MTM1: variants seen among roughly 807,000 people sequenced by gnomAD.
MTM1 encodes the protein myotubularin.
In MTM1, 9 loss-of-function variants were observed where a neutral mutation model predicts 52.1. The observed-to-expected ratio is 0.17, with a 90% CI of 0.10 to 0.30. The LOEUF (loss-of-function observed/expected upper bound fraction) is 0.30. Among genes scored for constraint, MTM1 ranks in the 10% least tolerant of loss-of-function variants. The pLI is 1.00. For synonymous variants in MTM1, 136 were observed against 163.8 expected (o/e 0.83, Z 1.29); for missense variants, 277 against 470.7 (o/e 0.59, Z 3.81).
intron 4 of MTM1, among the ~76,000 whole-genome samples, chrX:150,605,343 G>C (rs1453816238): frequency 8.9e-6 from 1 of 112,438 alleles, no homozygotes; most frequent in African/African-American, 3.2e-5. Context: ...TTTGGCTCTA[G>C]GTTCAGGACT....
intron 8 of MTM1, among the ~76,000 whole-genome samples, chrX:150,644,926 G>T: frequency 9.0e-6 from 1 of 111,716 alleles, no homozygotes; most frequent in Admixed American, 9.5e-5. Flanking sequence ...GCTTTATTGA[G>T]ATCTACTTCA....
chrX:150,578,070 T>A (rs1450821289), intron 1 of MTM1, among the ~76,000 whole-genome samples: 2 of 111,667 alleles, frequency 1.8e-5, no homozygotes, highest in Admixed American at 1.9e-4. Context: ...TCACAACCAG[T>A]AGATTTTGAA....
At chrX:150,566,703 C>T (rs1569565257), upstream of MTM1, among the ~76,000 whole-genome samples, 1 of 110,945 alleles carries the variant, frequency 9.0e-6, no homozygotes, top group African/African-American at 3.3e-5. Flanking sequence ...CACCTCCTAA[C>T]CCCCAGCTCC....
At chrX:150,611,609 A>G (rs2039279550) in intron 4 of MTM1, among the ~76,000 whole-genome samples, 1 of 112,051 alleles carries the variant, frequency 8.9e-6, no homozygotes, top group Non-Finnish European at 1.9e-5. Flanking sequence ...CAGGAAGTGG[A>G]TTGGCACAAC....
chrX:150,627,118 A>G (rs1162776709), intron 6 of MTM1, among the ~76,000 whole-genome samples: 1 of 110,948 alleles, frequency 9.0e-6, no homozygotes, highest in Non-Finnish European at 1.9e-5. Flanking sequence ...GCATCCATTC[A>G]CTCCATAACT....
intron 6 of MTM1, among the ~76,000 whole-genome samples, chrX:150,621,272 T>C (rs782229372): frequency 3.2e-4 from 35 of 109,517 alleles, no homozygotes; most frequent in South Asian, 7.9e-4. Context: ...GCTTTTCAGT[T>C]CCCCCCCTGC....
At position 150,660,370 on chromosome X, in the gene MTM1, G is replaced by T; in HGVS notation, c.1354-1G>T. 8.8e-7 allele frequency: 1 copy of T among 1,135,167 alleles called. No homozygotes were observed. The allele number at this position is 1,135,167 out of a possible 1,213,427, so 93.6% of individuals were successfully genotyped here. A position where few individuals can be genotyped will look rare whatever the true frequency, so the allele number is the denominator to read the frequency against. On this transcript the variant is annotated splice_acceptor_variant, in intron 12 of 14. Transcript: ENST00000370396. LOFTEE classifies it high-confidence loss of function. Reference sequence around the variant, plus strand: ...TGCTTTGTTTGCTTGTTTTTGTTTAGTTCCCTACAGCTTTTGAATTCAATG... The same window carrying T: ...TGCTTTGTTTGCTTGTTTTTGTTTATTTCCCTACAGCTTTTGAATTCAATG...
At chrX:150,626,840 T>C (rs1557413436) in intron 6 of MTM1, among the ~76,000 whole-genome samples, 1 of 111,664 alleles carries the variant, frequency 9.0e-6, no homozygotes, top group African/African-American at 3.3e-5. Context: ...GTTATCTGTT[T>C]CCTTTTTGGG....
At chrX:150,663,386 T>C in intron 13 of MTM1, 47 bp from the exon 14 acceptor site, 2 of 1,192,700 alleles carry the variant, frequency 1.7e-6, no homozygotes, top group Non-Finnish European at 2.3e-6. Context: ...TGGATTTATG[T>C]GTGTTTTTAC....
chrX:150,649,934 T>TA (rs1396916008), intron 10 of MTM1, 33 bp downstream of exon 10: 7 of 1,132,685 alleles, frequency 6.2e-6, no homozygotes, highest in Non-Finnish European at 8.4e-6. Flanking sequence ...TTTGTGTATA[T>TA]AAAAAAGAAT....
At chrX:150,634,230 G>A (rs782230132) in intron 6 of MTM1, among the ~76,000 whole-genome samples, 10 of 112,505 alleles carry the variant, frequency 8.9e-5, no homozygotes, top group Admixed American at 2.8e-4. Flanking sequence ...ATGAGCTGGA[G>A]AGAGCCTATG....
At chrX:150,663,258 TA>T (rs2148515212) in intron 13 of MTM1, 174 bp from the exon 14 acceptor site, 3 of 491,714 alleles carry the variant, frequency 6.1e-6, no homozygotes, top group Non-Finnish European at 6.9e-6. Context: ...CAAATATCGA[TA>T]AGTGGCTGCC....
At chrX:150,669,490 G>A (rs1428916876) in intron 14 of MTM1, among the ~76,000 whole-genome samples, 1 of 111,973 alleles carries the variant, frequency 8.9e-6, no homozygotes, top group African/African-American at 3.2e-5. Flanking sequence ...CACCAACAGT[G>A]TAAAAGTGTT....
chrX:150,663,165 G>T (rs1264757020), intron 13 of MTM1, among the ~76,000 whole-genome samples: 1 of 112,516 alleles, frequency 8.9e-6, no homozygotes, highest in Non-Finnish European at 1.9e-5. Context: ...TCTTTGGTCA[G>T]TGAATTGCAT....
chrX:150,603,287 G>A (rs1240726859), intron 4 of MTM1, among the ~76,000 whole-genome samples: 1 of 111,854 alleles, frequency 8.9e-6, no homozygotes, highest in African/African-American at 3.3e-5. Context: ...GATGAGGCTG[G>A]AAGAAGAGCC....
chrX:150,649,158 G>A (rs915369769), intron 9 of MTM1, among the ~76,000 whole-genome samples: 7 of 112,378 alleles, frequency 6.2e-5, no homozygotes, highest in African/African-American at 2.3e-4. Context: ...CTATTTTACA[G>A]GAGAGGATGT....
intron 14 of MTM1, among the ~76,000 whole-genome samples, chrX:150,667,854 G>T (rs782730467): frequency 8.9e-6 from 1 of 112,266 alleles, no homozygotes; most frequent in Non-Finnish European, 1.9e-5. Context: ...GCTGATTCAC[G>T]CCTTGGCTGC....
chrX:150,590,337 A>T (rs2038861463), intron 1 of MTM1, among the ~76,000 whole-genome samples: 1 of 112,416 alleles, frequency 8.9e-6, no homozygotes, highest in African/African-American at 3.2e-5. Flanking sequence ...TCTAAAAATT[A>T]GAGCTTTAGA....
intron 1 of MTM1, among the ~76,000 whole-genome samples, chrX:150,571,139 G>A (rs2038367160): frequency 3.6e-5 from 4 of 111,781 alleles, no homozygotes; most frequent in Admixed American, 1.9e-4. Context: ...ATTTTAAAGG[G>A]GTAACCAGAG....
Sources: allele counts gnomAD v4.1 joint callset (sites outside exome capture counted in the v4.1 genomes callset), GRCh38; gene constraint gnomAD v4.1.1; transcripts MANE v1.5; gene names NCBI Gene and HGNC (gene_info 2026-07-23, HGNC 2026-07-21).